ATP10D: variants seen among roughly 807,000 people sequenced by gnomAD.
ATP10D encodes ATPase phospholipid transporting 10D (putative), also known as phospholipid-transporting ATPase VD.
ATP10D carries 89 observed loss-of-function variants against 144.8 expected under a neutral mutation model. The observed-to-expected ratio is 0.61, with a 90% CI of 0.52 to 0.73. ATP10D has a LOEUF of 0.73. ATP10D is among the 30% of genes least tolerant of loss of function. The pLI is 0.00. For synonymous variants in ATP10D, 571 were observed against 615.1 expected (o/e 0.93, Z 1.06); for missense variants, 1,603 against 1,714.8 (o/e 0.93, Z 1.15).
At chr4:47,510,600 ATT>A (rs1716272303) in intron 1 of ATP10D, among the ~76,000 whole-genome samples, 1 of 152,128 alleles carries the variant, frequency 6.6e-6, no homozygotes, top group Non-Finnish European at 1.5e-5. Flanking sequence ...TAAAAAGCTG[ATT>A]GTTTCTGTGA....
chr4:47,487,216 C>G (rs1231837152), intron 1 of ATP10D, among the ~76,000 whole-genome samples: 1 of 74,072 alleles, frequency 1.4e-5, no homozygotes, highest in Non-Finnish European at 2.5e-5. Context: ...GCAACAAGAG[C>G]AAAACTCCGT....
chr4:47,569,626 C>T (rs1719837738), intron 16 of ATP10D, among the ~76,000 whole-genome samples: 1 of 152,034 alleles, frequency 6.6e-6, no homozygotes. Context: ...GAACTTACAT[C>T]TAGTAGGAAG....
chr4:47,514,182 C>T (rs1716507297), intron 2 of ATP10D, among the ~76,000 whole-genome samples: 1 of 152,200 alleles, frequency 6.6e-6, no homozygotes, highest in Non-Finnish European at 1.5e-5. Context: ...CATTCATTCT[C>T]ATCATTCATT....
At chr4:47,556,350 G>A (rs1193385326) in intron 11 of ATP10D, among the ~76,000 whole-genome samples, 6 of 152,166 alleles carry the variant, frequency 3.9e-5, no homozygotes, top group Admixed American at 1.3e-4. Flanking sequence ...ATTTTTACAA[G>A]GCTTTGCCTA....
chr4:47,562,511 T>C (rs1356546842), intron 14 of ATP10D, among the ~76,000 whole-genome samples: 2 of 152,124 alleles, frequency 1.3e-5, no homozygotes, highest in East Asian at 3.8e-4. Flanking sequence ...CTTACACCAG[T>C]CAGAATGTCT....
intron 3 of ATP10D, among the ~76,000 whole-genome samples, chr4:47,517,413 C>T (rs945343267): frequency 6.6e-6 from 1 of 152,166 alleles, no homozygotes; most frequent in African/African-American, 2.4e-5. Flanking sequence ...GAGACCCTGT[C>T]TCAAATGAAT....
Position 47,512,847 on chromosome 4 carries a change from G to T in ATP10D, c.290+17G>T, listed in dbSNP as rs12507451. 2.3e-4 allele frequency: 357 copies of T among 1,577,148 alleles called. 1 individual carries two copies. In the Admixed American group the frequency reaches 5.9e-3, roughly 26 times the overall value. The stretch of plus-strand genomic sequence containing the variant: ...ATTTCACAGGTACTGTTTTATTTTT[G>T]AAGAAAACCTTAGAATATCATTCTA... On this transcript the variant is annotated intron_variant, in intron 2 of 22. Transcript: ENST00000273859.
intron 3 of ATP10D, among the ~76,000 whole-genome samples, chr4:47,518,000 A>G (rs564244961): frequency 6.6e-6 from 1 of 152,284 alleles, no homozygotes; most frequent in African/African-American, 2.4e-5. Context: ...AATAGTGCTT[A>G]TGTTTTTCCC....
At chr4:47,588,874 C>T (rs950944515) in intron 22 of ATP10D, among the ~76,000 whole-genome samples, 2 of 152,130 alleles carry the variant, frequency 1.3e-5, no homozygotes, top group African/African-American at 2.4e-5. Context: ...CTAATATTAT[C>T]GTGGTATGCT....
chr4:47,531,042 T>A (rs138827276), intron 5 of ATP10D, among the ~76,000 whole-genome samples: 4 of 152,344 alleles, frequency 2.6e-5, no homozygotes, highest in African/African-American at 9.6e-5. Flanking sequence ...CTAATCTGAC[T>A]CCTCTGACTT....
At chr4:47,535,022 A>T (rs1183461894) in intron 5 of ATP10D, among the ~76,000 whole-genome samples, 1 of 152,158 alleles carries the variant, frequency 6.6e-6, no homozygotes, top group Non-Finnish European at 1.5e-5. Context: ...AGCAATGTGG[A>T]TGGAGCTGAA....
chr4:47,535,571 C>T lies in ATP10D; in HGVS notation c.839C>T (p.Thr280Ile). Reference protein sequence around the residue: ...SKENLLLRGCTIRNTEAVVGI... With the variant: ...SKENLLLRGCIIRNTEAVVGI... ...GAAAATTTGTTGCTTAGAGGATGCA[C>T]CATTAGAAACACAGAGGCTGTTGTG... Residue 280 changes from threonine (T) to isoleucine (I), a missense_variant, in exon 6 of 23, where the codon ACC (threonine) becomes ATC (isoleucine). Coordinates refer to ENST00000273859, the MANE Select transcript of ATP10D (RefSeq NM_020453.4). 6.2e-7 allele frequency: 1 copy of T among 1,613,044 alleles called. No homozygotes were observed. Among genetic ancestry groups the T allele is most frequent in the Non-Finnish European group, 8.5e-7 (1 of 1,179,420 alleles).
chr4:47,574,389 C>G (rs1264092061), intron 18 of ATP10D, among the ~76,000 whole-genome samples: 21 of 152,182 alleles, frequency 1.4e-4, no homozygotes, highest in Non-Finnish European at 4.4e-5. Flanking sequence ...CTAAACAATG[C>G]ATATTTTATG....
In ATP10D at chr4:47,546,892, C is replaced by A. The variant is rs765850418; in HGVS notation, c.1635+30C>A. ...GTATGAATGCATGACTAGAGTCTTG[C>A]ACATCCACAATGTATGATGAGAGAA... On this transcript the variant is annotated intron_variant, in intron 10 of 22. Coordinates refer to ENST00000273859, the MANE Select transcript of ATP10D (RefSeq NM_020453.4). 4 of 1,571,654 alleles carry A rather than the reference C, an allele frequency of 2.5e-6. No individual in the cohort carries two copies. The Admixed American group carries it at 6.7e-5, about 26-fold the overall frequency.
In ATP10D at chr4:47,591,065, G is replaced by T. The variant is rs202051358; in HGVS notation, c.3965G>T (p.Gly1322Val). The change falls in exon 23 of 23, where the codon GGA becomes GTA. Residue 1322 changes from glycine to valine, a missense_variant. Gly to Val is a moderately radical substitution (Grantham distance 109). Transcript: ENST00000273859. ...AGGTTTGTATACAGAGTTCTTCAGG[G>T]ATCCCTGTTTCCATCTCCAATTCTG... is the stretch of plus-strand genomic sequence containing the variant. ...LPRFVYRVLQGSLFPSPILRA... is the reference protein window; with the variant it reads ...LPRFVYRVLQVSLFPSPILRA... The T allele has an allele frequency of 5.0e-6, 8 of 1,610,148 alleles. No individual in the cohort carries two copies. The East Asian group carries it at 1.8e-4, about 36-fold the overall frequency.
rs564026293 is a variant in ATP10D, at chr4:47,514,244, G to A, written c.291-1232G>A. 1.5e-4 allele frequency among the ~76,000 whole-genome samples: 23 copies of A among 152,280 alleles called. 1 individual carries two copies. In the South Asian group the frequency reaches 4.6e-3, roughly 30 times the overall value. On this transcript the variant is annotated intron_variant, in intron 2 of 22. Coordinates refer to ENST00000273859, the MANE Select transcript of ATP10D (RefSeq NM_020453.4). ...AAATAGTGGCTATGTTTAAAGGACAGATTTGAATTTGTTGAATTAATGGCT... is the reference window on the plus strand; with the variant it reads ...AAATAGTGGCTATGTTTAAAGGACAAATTTGAATTTGTTGAATTAATGGCT...
intron 21 of ATP10D, 129 bp downstream of exon 21, chr4:47,582,193 A>G (rs1720554060): frequency 1.3e-6 from 1 of 746,392 alleles, no homozygotes; most frequent in Admixed American, 2.2e-5. Context: ...AAGGGTGATC[A>G]CAGCTACTCT....
chr4:47,558,039 G>T lies in ATP10D; in HGVS notation c.2200G>T (p.Val734Leu), dbSNP rs1266937748. The T allele has an allele frequency of 6.2e-7, 1 of 1,614,124 alleles. No homozygotes were observed. Among genetic ancestry groups the T allele is most frequent in the African/African-American group, 1.3e-5 (1 of 74,936 alleles). Residue 734 changes from valine (V) to leucine (L), a missense_variant, in exon 12 of 23, where the codon GTG becomes TTG. Transcript: ENST00000273859. ...EAESPDEAAL[V>L]YAARAYQCTL... Reference sequence around the variant, plus strand: ...CGAGAGCCCAGACGAAGCGGCCTTAGTGTATGCCGCCAGGGCTTACCAATG... The same window carrying T: ...CGAGAGCCCAGACGAAGCGGCCTTATTGTATGCCGCCAGGGCTTACCAATG...
At chr4:47,543,334 A>T (rs527431540) in intron 9 of ATP10D, among the ~76,000 whole-genome samples, 2 of 152,258 alleles carry the variant, frequency 1.3e-5, no homozygotes, top group South Asian at 2.1e-4. Context: ...CTGTATTTTT[A>T]AAATATTTTT....
Sources: allele counts gnomAD v4.1 joint callset (sites outside exome capture counted in the v4.1 genomes callset), GRCh38; gene constraint gnomAD v4.1.1; transcripts MANE v1.5; gene names NCBI Gene and HGNC (gene_info 2026-07-23, HGNC 2026-07-21).